KIZ: variants seen among roughly 807,000 people sequenced by gnomAD.
KIZ encodes the protein centrosomal protein kizuna.
KIZ carries 68 observed loss-of-function variants against 79.6 expected under a neutral mutation model. The observed-to-expected ratio is 0.85, with a 90% CI of 0.70 to 1.05. The LOEUF is 1.05. KIZ is among the 50% of genes least tolerant of loss of function. KIZ has a pLI of 0.00. For missense variants in KIZ, 797 were observed against 800.4 expected (o/e 1.00, Z 0.05); for synonymous variants, 280 against 281.8 (o/e 0.99, Z 0.06).
intron 10 of KIZ, among the ~76,000 whole-genome samples, chr20:21,230,228 A>G (rs2036791060): frequency 6.6e-6 from 1 of 152,204 alleles, no homozygotes. Context: ...TAATCCCAGC[A>G]TTTTGGGAGG....
At chr20:21,172,912 C>T (rs2034274379) in intron 6 of KIZ, among the ~76,000 whole-genome samples, 1 of 152,148 alleles carries the variant, frequency 6.6e-6, no homozygotes, top group African/African-American at 2.4e-5. Flanking sequence ...GCATGCTAGG[C>T]AAAGGGAACC....
At chr20:21,140,721 G>T (rs2032469149) in intron 3 of KIZ, among the ~76,000 whole-genome samples, 1 of 152,208 alleles carries the variant, frequency 6.6e-6, no homozygotes, top group Non-Finnish European at 1.5e-5. Context: ...GTTCATGCCT[G>T]TAATCCCAGT....
intron 11 of KIZ, among the ~76,000 whole-genome samples, chr20:21,237,643 C>T (rs2037064476): frequency 6.6e-6 from 1 of 152,200 alleles, no homozygotes; most frequent in South Asian, 2.1e-4. Context: ...TCTTGCCCCA[C>T]TCTTTTACCT....
Position 21,132,158 on chromosome 20 carries a change from A to G in KIZ, c.151A>G (p.Arg51Gly). The change falls in exon 2 of 13, where the codon AGA (arginine) becomes GGA (glycine). Residue 51 changes from arginine to glycine, a missense_variant and splice_region_variant. Physicochemically the swap from Arg to Gly is moderately radical, Grantham distance 125 (BLOSUM62 -2). Transcript: ENST00000619189. Reference protein sequence around the residue: ...LYEYNQSDTCRVKLKYVKLKN... With the variant: ...LYEYNQSDTCGVKLKYVKLKN... ...TGAATATAATCAGTCTGATACATGC[A>G]GGTAAGAGACGACAGTGGGAACAGT... 6.9e-7 allele frequency: 1 copy of G among 1,447,504 alleles called. No individual in the cohort carries two copies. The highest frequency in any genetic ancestry group is 9.4e-7 in the Non-Finnish European group (1 of 1,062,454). The allele number at this position is 1,447,504 out of a possible 1,614,324, so 89.7% of individuals were successfully genotyped here. A position where few individuals can be genotyped will look rare whatever the true frequency, so the allele number is the denominator to read the frequency against.
At chr20:21,184,778 A>G (rs924234105) in intron 6 of KIZ, among the ~76,000 whole-genome samples, 1 of 152,204 alleles carries the variant, frequency 6.6e-6, no homozygotes, top group African/African-American at 2.4e-5. Flanking sequence ...GTGTCGTGGC[A>G]TGCCTTTTAT....
chr20:21,199,543 T>C (rs2035501595), intron 6 of KIZ, among the ~76,000 whole-genome samples: 2 of 152,186 alleles, frequency 1.3e-5, no homozygotes, highest in Non-Finnish European at 2.9e-5. Context: ...GCCAAGTGTT[T>C]GTGACCTTTG....
At chr20:21,219,746 T>C (rs1485749582) in intron 9 of KIZ, among the ~76,000 whole-genome samples, 1 of 152,240 alleles carries the variant, frequency 6.6e-6, no homozygotes, top group Non-Finnish European at 1.5e-5. Flanking sequence ...CATTCTCATC[T>C]CTTCATTTCC....
At position 21,143,143 on chromosome 20, in the gene KIZ, G is replaced by A. The variant is rs532651630; in HGVS notation, c.316-2422G>A. On this transcript the variant is annotated intron_variant, in intron 3 of 12. Coordinates refer to ENST00000619189, the MANE Select transcript of KIZ (RefSeq NM_018474.6). ...AGGAGAAGAGAAAACAAAAGACTGT[G>A]AAGCTTAGTTGCATCTCTCATACTG... Among the ~76,000 whole-genome samples, 3 of 152,258 alleles carry A rather than the reference G, an allele frequency of 2.0e-5. No homozygotes were observed. The South Asian group carries it at 6.2e-4, about 32-fold the overall frequency.
intron 6 of KIZ, among the ~76,000 whole-genome samples, chr20:21,200,377 A>C (rs147567097): frequency 9.5e-4 from 145 of 152,222 alleles, no homozygotes; most frequent in African/African-American, 3.3e-3. Context: ...GGATGATTCA[A>C]GTACATTACA....
At chr20:21,208,569 G>C (rs1342688482) in intron 7 of KIZ, among the ~76,000 whole-genome samples, 2 of 152,170 alleles carry the variant, frequency 1.3e-5, no homozygotes, top group Non-Finnish European at 2.9e-5. Flanking sequence ...CGGGTGTGCT[G>C]GCGGGCGCCT....
At chr20:21,222,914 G>C (rs2036546347) in intron 9 of KIZ, among the ~76,000 whole-genome samples, 2 of 152,344 alleles carry the variant, frequency 1.3e-5, no homozygotes, top group South Asian at 4.1e-4. Flanking sequence ...ACATGAGTTT[G>C]TCGGGTTGAG....
At chr20:21,169,596 T>C (rs1292495259) in intron 6 of KIZ, among the ~76,000 whole-genome samples, 1 of 152,202 alleles carries the variant, frequency 6.6e-6, no homozygotes. Flanking sequence ...CCCAAAGGAT[T>C]ATAAATCATG....
intron 6 of KIZ, among the ~76,000 whole-genome samples, chr20:21,171,844 A>T (rs560800480): frequency 7.9e-5 from 12 of 152,334 alleles, no homozygotes; most frequent in African/African-American, 2.4e-4. Context: ...AAGCCACCAT[A>T]TTGAAAGTCT....
chr20:21,151,065 T>C (rs1448052325), intron 4 of KIZ: 1 of 152,176 alleles, frequency 6.6e-6, no homozygotes, highest in Non-Finnish European at 1.5e-5. Flanking sequence ...GAAATACACA[T>C]TGGTTACAGC....
At chr20:21,192,312 G>A (rs1328134745) in intron 6 of KIZ, among the ~76,000 whole-genome samples, 1 of 147,204 alleles carries the variant, frequency 6.8e-6, no homozygotes, top group Non-Finnish European at 1.5e-5. Context: ...GCGGGGGAGG[G>A]TGTTATTTTG....
rs2032192670 is a variant in KIZ at position 21,136,445 on chromosome 20, G to A, written c.208G>A (p.Glu70Lys). The A allele has an allele frequency of 1.3e-6, 2 of 1,574,466 alleles. No homozygotes were observed. The highest frequency in any genetic ancestry group is 8.7e-7 in the Non-Finnish European group (1 of 1,153,356). The change falls in exon 3 of 13, where the codon GAA (glutamate) becomes AAA (lysine). Residue 70 changes from glutamate to lysine, a missense_variant. Glu to Lys is a moderately conservative substitution (Grantham distance 56). Coordinates refer to ENST00000619189, the MANE Select transcript of KIZ (RefSeq NM_018474.6). Reference sequence around the variant, plus strand: ...TTATCTGAAGGAAATATGTGAATCTGAAAAGAAGGCTCATACTCGAAACCA... The same window carrying A: ...TTATCTGAAGGAAATATGTGAATCTAAAAAGAAGGCTCATACTCGAAACCA... ...KNYLKEICES[E>K]KKAHTRNQEY... is the part of the protein sequence containing the mutation.
Position 21,232,809 on chromosome 20 carries a change from G to T in KIZ, c.1859G>T (p.Ser620Ile). The change falls in exon 11 of 13, where the codon AGT (serine) becomes ATT (isoleucine). Residue 620 changes from serine to isoleucine, a missense_variant. Ser to Ile is a moderately radical substitution (Grantham distance 142, BLOSUM62 -2). Coordinates refer to ENST00000619189, the MANE Select transcript of KIZ (RefSeq NM_018474.6). ...KIASEASFSS[S>I]EGSPLSRHEN... is the part of the protein sequence containing the mutation. The stretch of plus-strand genomic sequence containing the variant: ...GCTTCGGAAGCTAGTTTTTCATCTA[G>T]TGAAGGAAGTCCTTTGTCAAGGTAA... 9 of 1,551,314 alleles carry T rather than the reference G, an allele frequency of 5.8e-6. No homozygotes were observed. The highest frequency in any genetic ancestry group is 8.0e-6 in the Non-Finnish European group (9 of 1,131,356).
At chr20:21,228,822 C>T (rs2036737327) in intron 9 of KIZ, among the ~76,000 whole-genome samples, 189 bp from the exon 10 acceptor site, 1 of 152,110 alleles carries the variant, frequency 6.6e-6, no homozygotes, top group Non-Finnish European at 1.5e-5. Flanking sequence ...TACAGCTTGT[C>T]TTTGAGTCTT....
rs571247497 is a variant in KIZ, at chr20:21,141,969, C to T, written c.316-3596C>T. ...TTTCTCCCTCTTATCTCTCCCCTGT[C>T]TCCTATTCCTGTCTCCTTGCCTCTT... On this transcript the variant is annotated intron_variant, in intron 3 of 12. Transcript: ENST00000619189. Among the ~76,000 whole-genome samples, 16 of 151,492 alleles carry T rather than the reference C, an allele frequency of 1.1e-4. No individual in the cohort carries two copies. In the South Asian group the frequency reaches 2.9e-3, roughly 28 times the overall value.
Sources: allele counts gnomAD v4.1 joint callset (sites outside exome capture counted in the v4.1 genomes callset), GRCh38; gene constraint gnomAD v4.1.1; transcripts MANE v1.5; gene names NCBI Gene and HGNC (gene_info 2026-07-23, HGNC 2026-07-21).